HPSE2: variants seen among roughly 807,000 people sequenced by gnomAD.
HPSE2 encodes the protein heparanase 2 (inactive).
HPSE2 carries 38 observed loss-of-function variants against 60.5 expected under a neutral mutation model. The ratio of observed to expected loss-of-function variants is 0.63; its 90% CI spans 0.48 to 0.82. The LOEUF is 0.82. Among genes scored for constraint, HPSE2 ranks in the 40% least tolerant of loss-of-function variants. The pLI is 0.00. For missense variants in HPSE2, 713 were observed against 740.4 expected, an observed-to-expected ratio of 0.96 and a Z score of 0.43; for synonymous variants, 295 against 293.2, an observed-to-expected ratio of 1.01 and a Z score of -0.06.
At chr10:98,536,163 T>C (rs975670859) in intron 9 of HPSE2, among the ~76,000 whole-genome samples, 1 of 152,214 alleles carries the variant, frequency 6.6e-6, no homozygotes, top group African/African-American at 2.4e-5. Flanking sequence ...ATGGGCACTT[T>C]ATACCCATCA....
At chr10:99,155,300 A>AT (rs1326583560) in intron 2 of HPSE2, among the ~76,000 whole-genome samples, 1 of 133,118 alleles carries the variant, frequency 7.5e-6, no homozygotes, top group Non-Finnish European at 1.6e-5. Context: ...CAGAATATAC[A>AT]TTTTTTTCAG....
At chr10:99,296,087 A>G in the HPSE2 span, among the ~76,000 whole-genome samples, 243 of 152,330 alleles carry the variant, frequency 1.6e-3, 1 homozygote, top group African/African-American at 5.3e-3. Flanking sequence ...GGGGAACTTC[A>G]ATAGCTATTT....
At chr10:99,101,700 C>T (rs1341713053) in intron 3 of HPSE2, among the ~76,000 whole-genome samples, 4 of 152,210 alleles carry the variant, frequency 2.6e-5, no homozygotes, top group African/African-American at 9.6e-5. Context: ...AGCACCACAT[C>T]TCACTTATTC....
chr10:98,788,987 T>C (rs1373628369), intron 3 of HPSE2, among the ~76,000 whole-genome samples: 1 of 152,230 alleles, frequency 6.6e-6, no homozygotes, highest in Non-Finnish European at 1.5e-5. Context: ...CCACTTCTTA[T>C]CCTTCTCACT....
intron 3 of HPSE2, among the ~76,000 whole-genome samples, chr10:98,934,975 T>A (rs1954749284): frequency 7.0e-6 from 1 of 142,590 alleles, no homozygotes; most frequent in Non-Finnish European, 1.5e-5. Context: ...AAGGTTTTGT[T>A]TGTTCCTTTT....
chr10:98,760,622 C>T (rs1247407992), intron 3 of HPSE2, among the ~76,000 whole-genome samples: 2 of 152,134 alleles, frequency 1.3e-5, no homozygotes, highest in East Asian at 1.9e-4. Flanking sequence ...GTATACTGAA[C>T]ATCTTGCATC....
chr10:99,107,364 CT>C (rs1280579060), intron 3 of HPSE2, among the ~76,000 whole-genome samples: 1 of 152,112 alleles, frequency 6.6e-6, no homozygotes, highest in East Asian at 1.9e-4. Flanking sequence ...TATTCTGATA[CT>C]GCAATTTTTT....
At chr10:99,083,222 G>A (rs2135578348) in intron 3 of HPSE2, among the ~76,000 whole-genome samples, 1 of 152,278 alleles carries the variant, frequency 6.6e-6, no homozygotes. Context: ...TTACTAGCAG[G>A]AGGTCTTTAG....
chr10:98,734,495 C>T (rs1250225490), intron 4 of HPSE2, among the ~76,000 whole-genome samples: 2 of 152,108 alleles, frequency 1.3e-5, no homozygotes, highest in African/African-American at 4.8e-5. Context: ...TTCAGTTTCT[C>T]CACAACCTTG....
the HPSE2 span, among the ~76,000 whole-genome samples, chr10:99,244,382 T>TTATTATTATTATTA: frequency 7.5e-6 from 1 of 134,182 alleles, no homozygotes; most frequent in Non-Finnish European, 1.6e-5. Flanking sequence ...TTTTATTTCT[T>TTATTATTATTATTA]TTATTATTAT....
chr10:98,808,404 G>T (rs1042679426), intron 3 of HPSE2, among the ~76,000 whole-genome samples: 2 of 152,184 alleles, frequency 1.3e-5, no homozygotes, highest in East Asian at 3.9e-4. Context: ...ACTAATGGGG[G>T]CATTACAGCT....
At chr10:99,313,490 G>A in the HPSE2 span, among the ~76,000 whole-genome samples, 2 of 151,496 alleles carry the variant, frequency 1.3e-5, no homozygotes, top group East Asian at 3.9e-4. Flanking sequence ...ATCTACTCCT[G>A]GTAAAGATGC....
At chr10:98,529,008 T>C (rs1187115055) in intron 9 of HPSE2, among the ~76,000 whole-genome samples, 2 of 152,226 alleles carry the variant, frequency 1.3e-5, no homozygotes, top group Non-Finnish European at 2.9e-5. Context: ...GCCCTGGGCT[T>C]AATCATGATG....
chr10:99,021,228 A>C (rs1431072559), intron 3 of HPSE2, among the ~76,000 whole-genome samples: 1 of 152,208 alleles, frequency 6.6e-6, no homozygotes, highest in Non-Finnish European at 1.5e-5. Context: ...CTGCACTTAT[A>C]AACATTAATA....
chr10:98,954,552 A>G (rs1168855976), intron 3 of HPSE2, among the ~76,000 whole-genome samples: 1 of 152,146 alleles, frequency 6.6e-6, no homozygotes, highest in Non-Finnish European at 1.5e-5. Context: ...CTAAATCAGC[A>G]TTTCTTATAT....
At chr10:99,285,510 G>T in the HPSE2 span, among the ~76,000 whole-genome samples, 1 of 121,216 alleles carries the variant, frequency 8.2e-6, no homozygotes, top group East Asian at 2.8e-4. Context: ...GAAAGGAAAG[G>T]GAAGGAGTAG....
intron 3 of HPSE2, among the ~76,000 whole-genome samples, chr10:99,105,489 T>C (rs1182885331): frequency 6.6e-6 from 1 of 151,916 alleles, no homozygotes; most frequent in African/African-American, 2.4e-5. Context: ...TTTTTTATAA[T>C]CGAGTTGTAA....
intron 1 of HPSE2, among the ~76,000 whole-genome samples, chr10:99,235,008 G>A (rs547684700): frequency 1.0e-3 from 155 of 151,878 alleles, no homozygotes; most frequent in Non-Finnish European, 1.6e-3. Flanking sequence ...TCTGAGAGTG[G>A]GAGAGAACTG....
chr10:98,901,305 T>G (rs948514396), intron 3 of HPSE2, among the ~76,000 whole-genome samples: 1 of 152,166 alleles, frequency 6.6e-6, no homozygotes, highest in Non-Finnish European at 1.5e-5. Context: ...TTGTATAAAT[T>G]TGTTAAACAT....
Sources: gnomAD v4.1 joint callset for allele counts (sites outside exome capture counted in the v4.1 genomes callset) on GRCh38, gnomAD v4.1.1 for gene constraint, MANE v1.5 for transcripts, NCBI Gene and HGNC (gene_info 2026-07-23, HGNC 2026-07-21) for gene names.